SPAG5: variants seen among roughly 807,000 people sequenced by gnomAD.
SPAG5 encodes the protein sperm-associated antigen 5.
A neutral mutation model predicts 145.4 loss-of-function variants in SPAG5; 99 were observed. That is an observed-to-expected ratio of 0.68 (90% confidence interval 0.58 to 0.80). The LOEUF is 0.80. Among genes scored for constraint, SPAG5 ranks in the 30% least tolerant of loss-of-function variants. The pLI, the probability that SPAG5 is intolerant of heterozygous loss-of-function variation, is 0.00. For synonymous variants in SPAG5, 477 were observed against 525.4 expected (o/e 0.91, Z 1.26); for missense variants, 1,192 against 1,416.0 (o/e 0.84, Z 2.54).
rs777497904 is a variant in SPAG5, at chr17:28,586,155, G to A, written c.1540C>T (p.Leu514=). 1 of 1,614,060 alleles carries A rather than the reference G, an allele frequency of 6.2e-7. No individual in the cohort carries two copies. The highest frequency in any genetic ancestry group is 8.5e-7 in the Non-Finnish European group (1 of 1,179,918). Residue 514 remains leucine (L), a synonymous_variant, in exon 6 of 24, where the codon CTG becomes TTG. Transcript: ENST00000321765. ...AGGGATAGGTGAAGCAAGGATATCA[G>A]CTCTTTAGAGATAAGCACCCATGAT... ...MQSWVLISKE[L]ISLLHLSLLH... is the part of the protein sequence containing the mutation.
Position 28,598,908 on chromosome 17 carries a change from A to G in SPAG5, c.39T>C (p.Pro13=). 1 of 1,613,938 alleles carries G rather than the reference A, an allele frequency of 6.2e-7. No individual in the cohort carries two copies. The highest frequency in any genetic ancestry group is 8.5e-7 in the Non-Finnish European group (1 of 1,179,960). ...RVKKLSLSLS[P]SPQTGKPSMR... ...ATCTCCCGCTTACCGTCTGGGGCGAAGGCGACAGGCTGAGGCTCAGTTTTT... is the reference window on the plus strand; with the variant it reads ...ATCTCCCGCTTACCGTCTGGGGCGAGGGCGACAGGCTGAGGCTCAGTTTTT... Residue 13 remains proline (P), a synonymous_variant, in exon 1 of 24, where the codon CCT becomes CCC. Coordinates refer to ENST00000321765, the MANE Select transcript of SPAG5 (RefSeq NM_006461.4).
intron 2 of SPAG5, 155 bp downstream of exon 2, chr17:28,598,355 G>T: frequency 1.2e-6 from 1 of 861,900 alleles, no homozygotes; most frequent in Non-Finnish European, 1.7e-6. Context: ...CCACCCTAGG[G>T]CACCTCTCTG....
rs888786230 is a variant in SPAG5, at chr17:28,578,508, G to T, written c.3219C>A (p.Thr1073=). Reference sequence around the variant, plus strand: ...CACGCCGAAGTGAGCGGGTAAGGTGGGTCACCTCCTCTCTAAGGCTCTGGG... The same window carrying T: ...CACGCCGAAGTGAGCGGGTAAGGTGTGTCACCTCCTCTCTAAGGCTCTGGG... ...GELISLREEV[T]HLTRSLRRAE... Residue 1073 remains threonine (T), a synonymous_variant, in exon 21 of 24, where the codon ACC becomes ACA. Coordinates refer to ENST00000321765, the MANE Select transcript of SPAG5 (RefSeq NM_006461.4). 2 of 1,611,076 alleles carry T rather than the reference G, an allele frequency of 1.2e-6. No individual in the cohort carries two copies. Among genetic ancestry groups the T allele is most frequent in the South Asian group, 2.2e-5 (2 of 91,084 alleles).
Position 28,584,775 on chromosome 17 carries a change from A to G in SPAG5, c.2068-30T>C. 2.0e-6 allele frequency: 3 copies of G among 1,499,650 alleles called. 1 individual carries two copies. Among genetic ancestry groups the G allele is most frequent in the South Asian group, 2.3e-5 (2 of 88,744 alleles). 92.9% of individuals were successfully genotyped at this position (1,499,650 alleles called of 1,614,324 possible). ...GAAGAACAGATGGTTTTCCTCCTAT[A>G]GTTCCTCCTGAATCAATAATCCCAG... On this transcript the variant is annotated intron_variant, in intron 10 of 23. Transcript: ENST00000321765.
intron 4 of SPAG5, among the ~76,000 whole-genome samples, chr17:28,591,035 A>G (rs1597597877): frequency 6.6e-6 from 1 of 152,164 alleles, no homozygotes; most frequent in African/African-American, 2.4e-5. Context: ...CTCCATGAAT[A>G]TATTTACCTA....
At chr17:28,587,275 G>A (rs544364092) in intron 4 of SPAG5, among the ~76,000 whole-genome samples, 28 of 150,418 alleles carry the variant, frequency 1.9e-4, no homozygotes, top group African/African-American at 6.2e-4. Flanking sequence ...GGCTGGGCGC[G>A]GTGGCGCACA....
chr17:28,579,050 C>T (rs1378356139), intron 19 of SPAG5, 91 bp downstream of exon 19: 55 of 1,124,272 alleles, frequency 4.9e-5, no homozygotes, highest in Non-Finnish European at 6.3e-5. Flanking sequence ...AAAATCCCCA[C>T]CACCCAGATT....
intron 17 of SPAG5, 72 bp downstream of exon 17, chr17:28,579,679 A>G: frequency 6.7e-7 from 1 of 1,486,866 alleles, no homozygotes; most frequent in Non-Finnish European, 9.4e-7. Context: ...AGCACTTCTC[A>G]CTGCTTTCGT....
chr17:28,591,658 C>T (rs1333481164), intron 4 of SPAG5, 40 bp downstream of exon 4: 1 of 1,547,614 alleles, frequency 6.5e-7, no homozygotes, highest in African/African-American at 1.4e-5. Flanking sequence ...TCCAAGGATC[C>T]CCACTGGGAT....
In SPAG5 at chr17:28,586,144, C is replaced by T. The variant is rs757942609; in HGVS notation, c.1551G>A (p.Leu517=). 16 of 1,614,084 alleles carry T rather than the reference C, an allele frequency of 9.9e-6. 2 individuals carry two copies. The South Asian group carries it at 1.5e-4, about 16-fold the overall frequency. ...WVLISKELIS[L]LHLSLLHLEE... is the part of the protein sequence containing the mutation. The stretch of plus-strand genomic sequence containing the variant: ...CTAAATGCAACAGGGATAGGTGAAG[C>T]AAGGATATCAGCTCTTTAGAGATAA... Residue 517 remains leucine (L), a synonymous_variant, in exon 6 of 24, where the codon TTG becomes TTA. Coordinates refer to ENST00000321765, the MANE Select transcript of SPAG5 (RefSeq NM_006461.4).
At chr17:28,590,902 A>G (rs2070617153) in intron 4 of SPAG5, among the ~76,000 whole-genome samples, 1 of 149,360 alleles carries the variant, frequency 6.7e-6, no homozygotes, top group Non-Finnish European at 1.5e-5. Flanking sequence ...AACTAAAAGT[A>G]TAATTGGATT....
chr17:28,587,717 C>CA (rs765826333), intron 4 of SPAG5, among the ~76,000 whole-genome samples: 2,981 of 45,160 alleles, frequency 0.066, 106 homozygotes, highest in African/African-American at 0.14. Context: ...GACCTCGTCT[C>CA]AAAAAAAAAA....
intron 2 of SPAG5, 137 bp downstream of exon 2, chr17:28,598,373 G>C: frequency 9.2e-7 from 1 of 1,086,100 alleles, no homozygotes; most frequent in Non-Finnish European, 1.3e-6. Context: ...CTGTTGGCCT[G>C]AATAGCTGTA....
rs2070690974 is a variant in SPAG5 at position 28,599,016 on chromosome 17, G to A, written c.-70C>T. The A allele has an allele frequency of 1.3e-6, 2 of 1,487,764 alleles. No individual in the cohort carries two copies. Among genetic ancestry groups the A allele is most frequent in the South Asian group, 1.1e-5 (1 of 88,486 alleles). The allele number at this position is 1,487,764 out of a possible 1,614,324, so 92.2% of individuals were successfully genotyped here. On this transcript the variant is annotated 5_prime_UTR_variant, in exon 1 of 24. Transcript: ENST00000321765. Reference sequence around the variant, plus strand: ...GACGCCATGTTCACCCGCCGTCTGTGTTTGAACCTGCTCTGCGCTTCCTGG... The same window carrying A: ...GACGCCATGTTCACCCGCCGTCTGTATTTGAACCTGCTCTGCGCTTCCTGG...
chr17:28,586,259 G>A (rs1047434800), intron 5 of SPAG5, 77 bp from the exon 6 acceptor site: 188 of 1,329,378 alleles, frequency 1.4e-4, no homozygotes, highest in East Asian at 3.0e-4. Context: ...GAGGAAAACC[G>A]CTAACCCCAA....
At chr17:28,581,911 G>C (rs1368035930) in intron 15 of SPAG5, among the ~76,000 whole-genome samples, 1 of 152,134 alleles carries the variant, frequency 6.6e-6, no homozygotes, top group Non-Finnish European at 1.5e-5. Context: ...ACTAGCCCTA[G>C]TCTCCACACA....
chr17:28,578,790 C>A, intron 19 of SPAG5, 38 bp from the exon 20 acceptor site: 4 of 1,513,392 alleles, frequency 2.6e-6, no homozygotes, highest in Non-Finnish European at 3.7e-6. Flanking sequence ...ACATGAAGAG[C>A]TGGTCTCTTC....
chr17:28,578,429 T>G lies in SPAG5; in HGVS notation c.3298A>C (p.Asn1100His). Residue 1100 changes from asparagine to histidine, a missense_variant, in exon 21 of 24, where the codon AAC becomes CAC. Asn to His is a moderately conservative substitution (Grantham distance 68). Around this residue, in one of 5 missense-constraint regions of SPAG5, gnomAD observed 709 missense variants for 840.7 expected, o/e 0.84. Coordinates refer to ENST00000321765, the MANE Select transcript of SPAG5 (RefSeq NM_006461.4). The part of the protein sequence containing the change: ...QEALAGQLDS[N>H]CQPMATNWIQ... ...CAATTGGTGGCCATAGGCTGGCAGT[T>G]GGAGTCCAGCTGGCCTGCCAGGGCC... 1.9e-6 allele frequency: 3 copies of G among 1,614,176 alleles called. No homozygotes were observed. The highest frequency in any genetic ancestry group is 2.5e-6 in the Non-Finnish European group (3 of 1,180,034).
chr17:28,584,086 CTA>C, intron 13 of SPAG5, 62 bp downstream of exon 13: 1 of 1,606,942 alleles, frequency 6.2e-7, no homozygotes, highest in Non-Finnish European at 8.5e-7. Context: ...TACCTCAACA[CTA>C]TCAGGCAAGA....
Sources: gnomAD v4.1 joint callset for allele counts (sites outside exome capture counted in the v4.1 genomes callset) on GRCh38, gnomAD v4.1.1 for gene constraint, gnomAD v4.1.1 regional missense constraint, MANE v1.5 for transcripts, NCBI Gene and HGNC (gene_info 2026-07-23, HGNC 2026-07-21) for gene names.